The following TRIM24 variants were observed in gnomAD, a reference collection of about 807,000 sequenced individuals.
The protein encoded by TRIM24 is tripartite motif containing 24.
In TRIM24, 29 loss-of-function variants were observed where a neutral mutation model predicts 123.9. The ratio of observed to expected loss-of-function variants is 0.23; its 90% CI spans 0.17 to 0.32. The LOEUF (loss-of-function observed/expected upper bound fraction) is 0.32, where lower values mean the gene tolerates loss of function less well. TRIM24 is among the 10% of genes least tolerant of loss of function. The pLI, the probability that TRIM24 is intolerant of heterozygous loss-of-function variation, is 1.00. For missense variants in TRIM24, 932 were observed against 1,295.3 expected, an observed-to-expected ratio of 0.72 and a Z score of 4.31; for synonymous variants, 456 against 461.1, an observed-to-expected ratio of 0.99 and a Z score of 0.14.
intron 6 of TRIM24, among the ~76,000 whole-genome samples, chr7:138,530,540 C>T (rs1796709257): frequency 6.6e-6 from 1 of 152,066 alleles, no homozygotes; most frequent in African/African-American, 2.4e-5. Context: ...AATCACGGCT[C>T]ACTACAGCCT....
intron 1 of TRIM24, among the ~76,000 whole-genome samples, chr7:138,478,905 G>T (rs1404086839): frequency 6.6e-6 from 1 of 152,150 alleles, no homozygotes; most frequent in East Asian, 1.9e-4. Context: ...AACCCAAGGT[G>T]CTGTGGCCAT....
Position 138,587,434 on chromosome 7 carries a change from AAT to A in TRIM24, c.*2485_*2486del, listed in dbSNP as rs1798039882. ...TAGATTAATATCCTTTGACTTTATT[AAT>A]AAGTACCTGTGTGCCCAGGTGGATC... On this transcript the variant is annotated 3_prime_UTR_variant, in exon 19 of 19. Transcript: ENST00000343526. 2 of 152,202 alleles carry A rather than the reference AAT, an allele frequency of 1.3e-5. No homozygotes were observed. The highest frequency in any genetic ancestry group is 1.3e-4 in the Admixed American group (2 of 15,282). 9.4% of individuals were successfully genotyped at this position (152,202 alleles called of 1,614,324 possible).
intron 1 of TRIM24, among the ~76,000 whole-genome samples, chr7:138,462,363 C>T (rs1021995705): frequency 2.3e-5 from 3 of 131,230 alleles, no homozygotes; most frequent in Non-Finnish European, 3.1e-5. Flanking sequence ...TTTTTTGAGA[C>T]GGAGTCTCGC....
intron 9 of TRIM24, among the ~76,000 whole-genome samples, chr7:138,559,845 G>C (rs1261405158): frequency 4.6e-5 from 7 of 152,114 alleles, no homozygotes; most frequent in Non-Finnish European, 7.3e-5. Context: ...AAAGTGGTTG[G>C]GTTCCATTTC....
At chr7:138,568,839 A>G (rs1797593680) in intron 10 of TRIM24, among the ~76,000 whole-genome samples, 1 of 152,212 alleles carries the variant, frequency 6.6e-6, no homozygotes, top group Non-Finnish European at 1.5e-5. Context: ...CAAGACCAAA[A>G]TAAAGATGAT....
At chr7:138,574,185 T>C (rs1797711819) in intron 12 of TRIM24, among the ~76,000 whole-genome samples, 1 of 152,220 alleles carries the variant, frequency 6.6e-6, no homozygotes, top group Non-Finnish European at 1.5e-5. Flanking sequence ...GTCTTTAAGA[T>C]GTAATTTGCC....
intron 1 of TRIM24, among the ~76,000 whole-genome samples, chr7:138,497,944 C>T (rs1022162620): frequency 6.6e-6 from 1 of 152,108 alleles, no homozygotes; most frequent in Non-Finnish European, 1.5e-5. Flanking sequence ...CCGCCTGCCT[C>T]GGCTGTCCAA....
chr7:138,490,311 C>G (rs923836968), intron 1 of TRIM24, among the ~76,000 whole-genome samples: 7 of 152,100 alleles, frequency 4.6e-5, no homozygotes, highest in African/African-American at 1.7e-4. Flanking sequence ...TCCTTTAGCT[C>G]GGAAAAGTTT....
rs1023026043 is a variant in TRIM24, at chr7:138,583,883, A to G, written c.2827A>G (p.Met943Val). Reference protein sequence around the residue: ...PDYYKIIKNPMDLSTIKKRLQ... With the variant: ...PDYYKIIKNPVDLSTIKKRLQ... The stretch of plus-strand genomic sequence containing the variant: ...TTATTACAAAATAATTAAAAATCCA[A>G]TGGATTTGTCAACCATCAAGAAAAG... The change falls in exon 18 of 19, where the codon ATG (methionine) becomes GTG (valine). Residue 943 changes from methionine to valine, a missense_variant. Met to Val is a conservative substitution (Grantham distance 21, BLOSUM62 1). This residue lies in a region of TRIM24 where 16 missense variants were observed against 46.5 expected (regional missense o/e 0.34). Coordinates refer to ENST00000343526, the MANE Select transcript of TRIM24 (RefSeq NM_015905.3). The G allele has an allele frequency of 6.3e-7, 1 of 1,590,900 alleles. No homozygotes were observed. The highest frequency in any genetic ancestry group is 1.8e-5 in the Admixed American group (1 of 54,746).
chr7:138,580,134 T>C (rs531942405), intron 15 of TRIM24, among the ~76,000 whole-genome samples: 30 of 152,284 alleles, frequency 2.0e-4, no homozygotes, highest in African/African-American at 4.6e-4. Context: ...TTAAGAGCCA[T>C]TGGGTTGATC....
intron 17 of TRIM24, among the ~76,000 whole-genome samples, chr7:138,582,308 C>T (rs1797912752): frequency 1.3e-5 from 2 of 152,098 alleles, no homozygotes; most frequent in South Asian, 4.1e-4. Context: ...TTTGGGAGGC[C>T]GAGGCGGGCG....
intron 2 of TRIM24, among the ~76,000 whole-genome samples, chr7:138,508,424 T>C (rs1796195274): frequency 6.6e-6 from 1 of 152,200 alleles, no homozygotes; most frequent in Admixed American, 6.5e-5. Flanking sequence ...TAATGATCAC[T>C]GCCAAGATCC....
chr7:138,578,772 A>G (rs1200369990), intron 14 of TRIM24, among the ~76,000 whole-genome samples: 1 of 152,144 alleles, frequency 6.6e-6, no homozygotes, highest in Non-Finnish European at 1.5e-5. Flanking sequence ...ATCTACATTT[A>G]TTACTTTGAA....
intron 1 of TRIM24, among the ~76,000 whole-genome samples, chr7:138,495,319 T>A (rs1240298951): frequency 6.6e-6 from 1 of 152,152 alleles, no homozygotes; most frequent in Non-Finnish European, 1.5e-5. Context: ...ACAAAATGTA[T>A]CGAATTGGCA....
At chr7:138,583,724 C>A in intron 17 of TRIM24, 126 bp from the exon 18 acceptor site, 2 of 704,326 alleles carry the variant, frequency 2.8e-6, no homozygotes, top group Non-Finnish European at 4.5e-6. Context: ...GGTTTCTTTA[C>A]TAATGGCAAA....
chr7:138,519,598 GACA>G (rs2116565341), intron 4 of TRIM24, among the ~76,000 whole-genome samples: 1 of 152,274 alleles, frequency 6.6e-6, no homozygotes, highest in African/African-American at 2.4e-5. Context: ...CCCCAGTTGT[GACA>G]ACAAAATGTG....
chr7:138,531,680 G>A (rs551575442), intron 6 of TRIM24, among the ~76,000 whole-genome samples: 2 of 152,262 alleles, frequency 1.3e-5, no homozygotes, highest in East Asian at 1.9e-4. Context: ...ATAAACATAC[G>A]TGTGCATGTG....
intron 1 of TRIM24, among the ~76,000 whole-genome samples, chr7:138,467,304 TA>T (rs1394517794): frequency 6.6e-6 from 1 of 152,024 alleles, no homozygotes; most frequent in Non-Finnish European, 1.5e-5. Context: ...TGAATCTAGA[TA>T]TCAATTTGGG....
chr7:138,493,848 C>T (rs1316233620), intron 1 of TRIM24, among the ~76,000 whole-genome samples: 1 of 152,126 alleles, frequency 6.6e-6, no homozygotes, highest in Non-Finnish European at 1.5e-5. Flanking sequence ...CTTGATAATA[C>T]CAATAACCTT....
Sources: gnomAD v4.1 joint callset for allele counts (sites outside exome capture counted in the v4.1 genomes callset) on GRCh38, gnomAD v4.1.1 for gene constraint, gnomAD v4.1.1 regional missense constraint, MANE v1.5 for transcripts, NCBI Gene and HGNC (gene_info 2026-07-23, HGNC 2026-07-21) for gene names.